Variants in RPS6KA6 observed in about 807,000 individuals in gnomAD.
The protein encoded by RPS6KA6 is ribosomal protein S6 kinase alpha-6.
A neutral mutation model predicts 65.4 loss-of-function variants in RPS6KA6; 27 were observed. That is an observed-to-expected ratio of 0.41 (90% confidence interval 0.30 to 0.57). The LOEUF is 0.57. Ranked by LOEUF, RPS6KA6 falls within the 20% of genes least tolerant of loss-of-function variation. The probability of loss-of-function intolerance (pLI) is 0.24; values close to 1 mark genes in which losing one functional copy is unlikely to be tolerated. For synonymous variants in RPS6KA6, 190 were observed against 184.2 expected, an observed-to-expected ratio of 1.03 and a Z score of -0.26; for missense variants, 486 against 555.6, an observed-to-expected ratio of 0.87 and a Z score of 1.26.
chrX:84,187,474 G>A, intron 1 of RPS6KA6: 1 of 182,283 alleles, frequency 5.5e-6, no homozygotes, highest in Non-Finnish European at 1.0e-5. Context: ...GCGCGGCGGA[G>A]AAAAAGGGAC....
At chrX:84,174,623 T>C (rs761473313) in intron 1 of RPS6KA6, among the ~76,000 whole-genome samples, 12 of 112,040 alleles carry the variant, frequency 1.1e-4, no homozygotes, top group Non-Finnish European at 1.9e-4. Context: ...TTTGGAGTAT[T>C]TGCCATTTTG....
intron 20 of RPS6KA6, among the ~76,000 whole-genome samples, chrX:84,068,632 T>C (rs1371930243): frequency 1.8e-5 from 2 of 111,996 alleles, no homozygotes; most frequent in African/African-American, 3.2e-5. Context: ...AGTCAAATTG[T>C]CTCTGTTCAC....
At chrX:84,165,773 TC>T (rs1438781211) in intron 1 of RPS6KA6, among the ~76,000 whole-genome samples, 1 of 110,967 alleles carries the variant, frequency 9.0e-6, no homozygotes, top group Non-Finnish European at 1.9e-5. Flanking sequence ...GTGAAGGTAA[TC>T]CCTGTTATTT....
chrX:84,157,365 T>A (rs1004287262), intron 2 of RPS6KA6, among the ~76,000 whole-genome samples: 3 of 111,717 alleles, frequency 2.7e-5, no homozygotes, highest in Admixed American at 9.5e-5. Context: ...CCAGACCCTT[T>A]TAAATAGTGA....
At chrX:84,064,768 C>A (rs1433491846) in intron 21 of RPS6KA6, among the ~76,000 whole-genome samples, 2 of 111,270 alleles carry the variant, frequency 1.8e-5, no homozygotes, top group Non-Finnish European at 3.8e-5. Context: ...ACGGCAGGTA[C>A]AATCAAGAAA....
chrX:84,092,941 C>T (rs1218921656), intron 20 of RPS6KA6, among the ~76,000 whole-genome samples: 1 of 111,760 alleles, frequency 8.9e-6, no homozygotes, highest in Non-Finnish European at 1.9e-5. Context: ...AAGTGTCTAT[C>T]AACATATGAA....
chrX:84,073,053 G>A (rs774488611), intron 20 of RPS6KA6, among the ~76,000 whole-genome samples: 9 of 111,639 alleles, frequency 8.1e-5, no homozygotes, highest in Admixed American at 9.5e-5. Flanking sequence ...ATGGAAGCAC[G>A]AAAGACTCCA....
intron 3 of RPS6KA6, among the ~76,000 whole-genome samples, chrX:84,153,329 G>A (rs1221322761): frequency 9.0e-6 from 1 of 111,157 alleles, no homozygotes; most frequent in Admixed American, 9.6e-5. Flanking sequence ...TGATATATAA[G>A]GACGACTAAT....
intron 20 of RPS6KA6, among the ~76,000 whole-genome samples, chrX:84,094,308 G>GA (rs144397619): frequency 4.4e-5 from 3 of 68,498 alleles, no homozygotes; most frequent in African/African-American, 1.1e-4. Context: ...GCCTTAAAGG[G>GA]AAAAAAAAAA....
intron 1 of RPS6KA6, among the ~76,000 whole-genome samples, chrX:84,185,443 G>T (rs2035915847): frequency 9.0e-6 from 1 of 111,589 alleles, no homozygotes; most frequent in Non-Finnish European, 1.9e-5. Flanking sequence ...ATTATGTACT[G>T]ATCTAAAAAT....
chrX:84,179,753 T>C, intron 1 of RPS6KA6, among the ~76,000 whole-genome samples: 1 of 111,522 alleles, frequency 9.0e-6, no homozygotes, highest in East Asian at 2.8e-4. Context: ...ATCTGTAAAA[T>C]AAAGTACAAA....
chrX:84,107,406 C>T (rs1239635252), intron 13 of RPS6KA6, among the ~76,000 whole-genome samples: 1 of 112,186 alleles, frequency 8.9e-6, no homozygotes, highest in Non-Finnish European at 1.9e-5. Context: ...ACTTGCCACC[C>T]TTTGACCAAG....
chrX:84,185,656 G>A (rs1294416455), intron 1 of RPS6KA6, among the ~76,000 whole-genome samples: 1 of 111,407 alleles, frequency 9.0e-6, no homozygotes, highest in Non-Finnish European at 1.9e-5. Context: ...AGAAATGGAC[G>A]GAAATTATTT....
intron 8 of RPS6KA6, among the ~76,000 whole-genome samples, chrX:84,133,567 C>A (rs1305848472): frequency 9.0e-6 from 1 of 110,865 alleles, no homozygotes; most frequent in Non-Finnish European, 1.9e-5. Context: ...AACTTGGCAT[C>A]ATTATTTACG....
intron 8 of RPS6KA6, among the ~76,000 whole-genome samples, chrX:84,122,414 T>A (rs1478536910): frequency 1.3e-5 from 1 of 78,934 alleles, no homozygotes; most frequent in Non-Finnish European, 2.2e-5. Context: ...CACTGCAACC[T>A]CCGCCTCTCG....
chrX:84,085,754 T>C (rs1166464364), intron 20 of RPS6KA6, among the ~76,000 whole-genome samples: 2 of 111,973 alleles, frequency 1.8e-5, no homozygotes, highest in East Asian at 5.6e-4. Flanking sequence ...GAAGGAATGG[T>C]ACCAGCTCTT....
intron 17 of RPS6KA6, 135 bp from the exon 18 acceptor site, chrX:84,102,333 A>G: frequency 2.9e-6 from 1 of 339,184 alleles, no homozygotes; most frequent in Non-Finnish European, 4.8e-6. Flanking sequence ...TGAAAATGAC[A>G]TTTTGCTCAA....
At chrX:84,152,412 C>A (rs1314530841) in intron 3 of RPS6KA6, among the ~76,000 whole-genome samples, 1 of 110,965 alleles carries the variant, frequency 9.0e-6, no homozygotes, top group East Asian at 2.8e-4. Context: ...TCTCCCTCCT[C>A]CTTCCACCTC....
intron 3 of RPS6KA6, among the ~76,000 whole-genome samples, chrX:84,149,469 T>G (rs2035260449): frequency 8.9e-6 from 1 of 112,239 alleles, no homozygotes; most frequent in Admixed American, 9.5e-5. Flanking sequence ...ATTTCTTAAA[T>G]AATAGGGCTT....
Sources: gnomAD v4.1 joint callset for allele counts (sites outside exome capture counted in the v4.1 genomes callset) on GRCh38, gnomAD v4.1.1 for gene constraint, MANE v1.5 for transcripts, NCBI Gene and HGNC (gene_info 2026-07-23, HGNC 2026-07-21) for gene names.